The following SYT1 variants were observed in gnomAD, a reference collection of about 807,000 sequenced individuals.
SYT1 encodes the protein synaptotagmin 1.
SYT1 carries 8 observed loss-of-function variants against 44.8 expected under a neutral mutation model. The observed-to-expected ratio is 0.18, with a 90% confidence interval of 0.10 to 0.32. The LOEUF is 0.32. Ranked by LOEUF, SYT1 falls within the 10% of genes least tolerant of loss-of-function variation. The pLI is 1.00. For synonymous variants in SYT1, 154 were observed against 188.8 expected (o/e 0.82, Z 1.51); for missense variants, 286 against 509.3 (o/e 0.56, Z 4.22).
chr12:79,385,135 C>T (rs530178489), intron 9 of SYT1, among the ~76,000 whole-genome samples: 5 of 151,756 alleles, frequency 3.3e-5, no homozygotes, highest in Non-Finnish European at 7.4e-5. Flanking sequence ...TACAGGCACC[C>T]ACCACCATGC....
intron 3 of SYT1, among the ~76,000 whole-genome samples, chr12:79,096,541 G>T (rs1878142472): frequency 6.6e-6 from 1 of 152,010 alleles, no homozygotes; most frequent in African/African-American, 2.4e-5. Flanking sequence ...GGCAGCTGAG[G>T]AATATTACAC....
At chr12:79,021,300 G>A (rs1289183222) in intron 2 of SYT1, among the ~76,000 whole-genome samples, 1 of 151,808 alleles carries the variant, frequency 6.6e-6, no homozygotes, top group African/African-American at 2.4e-5. Flanking sequence ...AAAGCATAGA[G>A]ATTCTATCAT....
At chr12:79,437,569 A>G (rs934961578) in intron 9 of SYT1, among the ~76,000 whole-genome samples, 1 of 152,200 alleles carries the variant, frequency 6.6e-6, no homozygotes, top group Non-Finnish European at 1.5e-5. Context: ...CTACATTTAC[A>G]TTTCTGCAAA....
At position 79,451,660 on chromosome 12, in the gene SYT1, A is replaced by G. The variant is rs572434901; in HGVS notation, c.*2536A>G. 6.6e-6 allele frequency: 1 copy of G among 152,348 alleles called. No individual in the cohort carries two copies. Among genetic ancestry groups the G allele is most frequent in the South Asian group, 2.1e-4 (1 of 4,826 alleles). The allele number at this position is 152,348 out of a possible 1,614,324, so 9.4% of individuals were successfully genotyped here. A position where few individuals can be genotyped will look rare whatever the true frequency, so the allele number is the denominator to read the frequency against. On this transcript the variant is annotated 3_prime_UTR_variant, in exon 11 of 11. Coordinates refer to ENST00000261205, the MANE Select transcript of SYT1 (RefSeq NM_005639.3). ...GGAACCTGCTTTATGACCAAGATTC[A>G]TCCTCAAATAAGCCACATGTACCCT...
intron 4 of SYT1, among the ~76,000 whole-genome samples, chr12:79,274,145 G>A (rs879925425): frequency 6.6e-6 from 1 of 152,196 alleles, no homozygotes; most frequent in Non-Finnish European, 1.5e-5. Flanking sequence ...AATCTCAAGT[G>A]GGGATGAACC....
chr12:79,055,888 C>T (rs1874897621), intron 3 of SYT1, among the ~76,000 whole-genome samples: 1 of 151,784 alleles, frequency 6.6e-6, no homozygotes, highest in Non-Finnish European at 1.5e-5. Context: ...CATGTACCAC[C>T]TAACAAATTT....
intron 1 of SYT1, among the ~76,000 whole-genome samples, chr12:78,962,279 T>A (rs1349014558): frequency 6.6e-6 from 1 of 151,654 alleles, no homozygotes; most frequent in Non-Finnish European, 1.5e-5. Context: ...TAATACGAGG[T>A]AAAGTATTTT....
intron 9 of SYT1, among the ~76,000 whole-genome samples, chr12:79,370,569 T>C (rs1883741710): frequency 6.6e-6 from 1 of 152,024 alleles, no homozygotes; most frequent in Admixed American, 6.6e-5. Flanking sequence ...GGGACCATCC[T>C]GGCTAAAACG....
At chr12:79,446,781 C>A (rs1057252199) in intron 10 of SYT1, among the ~76,000 whole-genome samples, 1 of 152,166 alleles carries the variant, frequency 6.6e-6, no homozygotes, top group African/African-American at 2.4e-5. Context: ...CTGCTTTGGA[C>A]CCACTCACAA....
chr12:78,890,607 T>C lies in SYT1; in HGVS notation c.-217+25498T>C, dbSNP rs146893326. On this transcript the variant is annotated intron_variant, in intron 1 of 10. Coordinates refer to ENST00000261205, the MANE Select transcript of SYT1 (RefSeq NM_005639.3). Reference sequence around the variant, plus strand: ...CAGGATGCTCTCCTCCCTTCTACTTTTATCATCTTCCTCCTCGCTCCTTTT... The same window carrying C: ...CAGGATGCTCTCCTCCCTTCTACTTCTATCATCTTCCTCCTCGCTCCTTTT... Among the ~76,000 whole-genome samples, 1,485 of 152,024 alleles carry C rather than the reference T, an allele frequency of 9.8e-3. 32 individuals carry two copies. The highest frequency in any genetic ancestry group is 0.034 in the African/African-American group (1,399 of 41,528).
At chr12:79,232,110 G>T (rs971002649) in intron 4 of SYT1, among the ~76,000 whole-genome samples, 8 of 152,174 alleles carry the variant, frequency 5.3e-5, no homozygotes, top group Non-Finnish European at 1.0e-4. Context: ...CTCTGGGAAG[G>T]TGTGAGCAGT....
At chr12:79,448,896 T>C (rs1380269090) in intron 10 of SYT1, 22 bp from the exon 11 acceptor site, 2 of 1,612,508 alleles carry the variant, frequency 1.2e-6, no homozygotes, top group South Asian at 2.2e-5. Flanking sequence ...ATGATTCATA[T>C]TCATTTCATG....
chr12:79,252,641 A>G (rs1400057004), intron 4 of SYT1, among the ~76,000 whole-genome samples: 1 of 152,148 alleles, frequency 6.6e-6, no homozygotes, highest in East Asian at 1.9e-4. Flanking sequence ...CTCCTGCTCC[A>G]TCAACCCAGG....
intron 3 of SYT1, among the ~76,000 whole-genome samples, chr12:79,159,058 C>T (rs535548006): frequency 1.3e-3 from 204 of 152,136 alleles, no homozygotes; most frequent in Non-Finnish European, 2.5e-3. Flanking sequence ...TGAAGAAAGG[C>T]GGGGAAATTA....
intron 3 of SYT1, among the ~76,000 whole-genome samples, chr12:79,207,291 C>T (rs147420757): frequency 1.3e-5 from 2 of 152,318 alleles, no homozygotes; most frequent in East Asian, 1.9e-4. Context: ...ACTTTGAGTA[C>T]ATCTCCCACC....
chr12:79,368,214 A>G (rs1259033948), intron 9 of SYT1, among the ~76,000 whole-genome samples: 5 of 152,052 alleles, frequency 3.3e-5, no homozygotes, highest in Non-Finnish European at 7.4e-5. Flanking sequence ...ATGTCCCTAC[A>G]AAGGACATGA....
At chr12:79,105,344 GA>G (rs1370067914) in intron 3 of SYT1, among the ~76,000 whole-genome samples, 1 of 152,126 alleles carries the variant, frequency 6.6e-6, no homozygotes, top group Middle Eastern at 3.2e-3. Flanking sequence ...AACCATTCTA[GA>G]GTATTTTGAA....
At chr12:78,928,151 AT>A (rs1251549265) in intron 1 of SYT1, among the ~76,000 whole-genome samples, 1 of 152,156 alleles carries the variant, frequency 6.6e-6, no homozygotes, top group Non-Finnish European at 1.5e-5. Flanking sequence ...GTTAGTAACT[AT>A]CATAGAAGCA....
chr12:79,147,596 C>T (rs1869999140), intron 3 of SYT1, among the ~76,000 whole-genome samples: 1 of 152,074 alleles, frequency 6.6e-6, no homozygotes, highest in African/African-American at 2.4e-5. Context: ...ATCTTAAACT[C>T]AAAAGTTTGA....
Sources: gnomAD v4.1 joint callset for allele counts (sites outside exome capture counted in the v4.1 genomes callset) on GRCh38, gnomAD v4.1.1 for gene constraint, MANE v1.5 for transcripts, NCBI Gene and HGNC (gene_info 2026-07-23, HGNC 2026-07-21) for gene names.